Variants in DNAAF11 observed in about 807,000 individuals in gnomAD.
The protein encoded by DNAAF11 is leucine rich repeat containing 6.
A neutral mutation model predicts 60.8 loss-of-function variants in DNAAF11; 45 were observed. That is an observed-to-expected ratio of 0.74 (90% CI 0.58 to 0.95). The LOEUF is 0.95. DNAAF11 is among the 40% of genes least tolerant of loss of function. The pLI is 0.00. For missense variants in DNAAF11, 546 were observed against 546.2 expected (o/e 1.00, Z 0.00); for synonymous variants, 191 against 183.5 (o/e 1.04, Z -0.33).
chr8:132,622,576 T>G, intron 7 of DNAAF11, 35 bp downstream of exon 7: 1 of 1,505,662 alleles, frequency 6.6e-7, no homozygotes, highest in Non-Finnish European at 9.2e-7. Context: ...GACTGACACT[T>G]TTGGGTCTTT....
At chr8:132,581,661 CAAAAAAAAAAA>C (rs59380140) in intron 11 of DNAAF11, among the ~76,000 whole-genome samples, 1 of 83,006 alleles carries the variant, frequency 1.2e-5, no homozygotes, top group Non-Finnish European at 2.3e-5. Context: ...GACTCTGCCT[CAAAAAAAAAAA>C]AAAAAAAAAA....
intron 1 of DNAAF11, among the ~76,000 whole-genome samples, chr8:132,668,995 T>A (rs929985397): frequency 2.6e-5 from 4 of 152,208 alleles, no homozygotes; most frequent in African/African-American, 9.6e-5. Flanking sequence ...ATTCAATGAC[T>A]GGTTGATGTA....
chr8:132,647,821 T>C (rs538611436), intron 3 of DNAAF11, among the ~76,000 whole-genome samples: 2 of 152,256 alleles, frequency 1.3e-5, no homozygotes, highest in East Asian at 3.9e-4. Context: ...AGGAAGAAGT[T>C]GAATCCCTGA....
At chr8:132,652,821 T>C (rs1248377296) in intron 3 of DNAAF11, among the ~76,000 whole-genome samples, 9 of 152,040 alleles carry the variant, frequency 5.9e-5, no homozygotes, top group Admixed American at 5.9e-4. Context: ...GGGATAGCAT[T>C]AGGAGAAGTA....
chr8:132,579,224 G>A (rs942152012), intron 11 of DNAAF11, among the ~76,000 whole-genome samples: 3 of 152,160 alleles, frequency 2.0e-5, no homozygotes, highest in Non-Finnish European at 2.9e-5. Context: ...CCTAGGCAGT[G>A]GAGTGTGAAG....
chr8:132,629,251 C>A (rs1820566943), intron 5 of DNAAF11, among the ~76,000 whole-genome samples: 1 of 152,046 alleles, frequency 6.6e-6, no homozygotes, highest in African/African-American at 2.4e-5. Context: ...GACCCAAAAT[C>A]CCATAGCAAA....
the DNAAF11 span, among the ~76,000 whole-genome samples, chr8:132,690,364 CTT>C: frequency 6.6e-6 from 1 of 152,114 alleles, no homozygotes; most frequent in Non-Finnish European, 1.5e-5. Context: ...GTTCTTCACT[CTT>C]CTCTCTCCTG....
chr8:132,595,915 G>A (rs1816969911), intron 10 of DNAAF11, among the ~76,000 whole-genome samples: 1 of 152,126 alleles, frequency 6.6e-6, no homozygotes, highest in Non-Finnish European at 1.5e-5. Flanking sequence ...AGGTGATGGT[G>A]GGAGGTGGTG....
At chr8:132,675,277 A>C in intron 1 of DNAAF11, 1 of 512,228 alleles carries the variant, frequency 2.0e-6, no homozygotes, top group Non-Finnish European at 3.5e-6. Context: ...TAGGAACCTG[A>C]GCTGGAAAAG....
At chr8:132,618,176 G>A (rs1486752298) in intron 7 of DNAAF11, among the ~76,000 whole-genome samples, 1 of 151,232 alleles carries the variant, frequency 6.6e-6, no homozygotes, top group African/African-American at 2.4e-5. Context: ...TGACAAACCT[G>A]AGAAAAACAA....
intron 3 of DNAAF11, among the ~76,000 whole-genome samples, chr8:132,642,668 C>T (rs900440975): frequency 2.0e-5 from 3 of 152,208 alleles, no homozygotes; most frequent in Non-Finnish European, 4.4e-5. Context: ...TGGAAAGAAA[C>T]ACGCCCAGAA....
chr8:132,692,042 A>C, the DNAAF11 span, among the ~76,000 whole-genome samples: 1 of 152,176 alleles, frequency 6.6e-6, no homozygotes. Context: ...ACTTTGAAAG[A>C]GACTCTTCTG....
At chr8:132,588,076 C>T (rs1816087500) in intron 10 of DNAAF11, among the ~76,000 whole-genome samples, 2 of 152,196 alleles carry the variant, frequency 1.3e-5, no homozygotes, top group South Asian at 4.1e-4. Context: ...AATGAAGCTA[C>T]TTAGCTCTGA....
At chr8:132,678,155 T>C (rs1271116826), upstream of DNAAF11, among the ~76,000 whole-genome samples, 1 of 152,190 alleles carries the variant, frequency 6.6e-6, no homozygotes, top group Non-Finnish European at 1.5e-5. Flanking sequence ...CTTTAAATTA[T>C]CAGGCCCAGA....
At chr8:132,669,940 C>CAAAAAA (rs35402875) in intron 1 of DNAAF11, among the ~76,000 whole-genome samples, 6 of 69,758 alleles carry the variant, frequency 8.6e-5, no homozygotes, top group African/African-American at 1.2e-4. Flanking sequence ...GACTCCGTCT[C>CAAAAAA]AAAAAAAAAA....
chr8:132,641,762 A>G (rs944002875), intron 3 of DNAAF11, among the ~76,000 whole-genome samples: 42 of 152,238 alleles, frequency 2.8e-4, no homozygotes, highest in African/African-American at 9.4e-4. Context: ...AAGTATAATT[A>G]CATGATATAA....
the DNAAF11 span, among the ~76,000 whole-genome samples, chr8:132,692,599 T>C: frequency 3.3e-5 from 5 of 152,180 alleles, no homozygotes; most frequent in African/African-American, 1.2e-4. Context: ...TAGGTATTGA[T>C]ATAGCCTAGT....
chr8:132,621,254 G>A (rs1227056705), intron 7 of DNAAF11, among the ~76,000 whole-genome samples: 1 of 152,188 alleles, frequency 6.6e-6, no homozygotes, highest in Non-Finnish European at 1.5e-5. Flanking sequence ...TAGTGAAAGA[G>A]GAGAAACGGT....
chr8:132,659,233 G>C (rs1823888231), intron 2 of DNAAF11, among the ~76,000 whole-genome samples: 1 of 152,192 alleles, frequency 6.6e-6, no homozygotes, highest in African/African-American at 2.4e-5. Context: ...ATGGGCAACA[G>C]GGCTTTAGGA....
Sources: allele counts gnomAD v4.1 joint callset (sites outside exome capture counted in the v4.1 genomes callset), GRCh38; gene constraint gnomAD v4.1.1; transcripts MANE v1.5; gene names NCBI Gene and HGNC (gene_info 2026-07-23, HGNC 2026-07-21).